COL4A3: variants seen among roughly 807,000 people sequenced by gnomAD.
COL4A3 encodes collagen type IV alpha 3 chain.
In COL4A3, 135 loss-of-function variants were observed where a neutral mutation model predicts 217.4. The observed-to-expected ratio is 0.62, with a 90% CI of 0.54 to 0.72. The LOEUF is 0.72. COL4A3 is among the 30% of genes least tolerant of loss of function. The pLI, the probability that COL4A3 is intolerant of heterozygous loss-of-function variation, is 0.00. For missense variants in COL4A3, 1,868 were observed against 2,119.9 expected, an observed-to-expected ratio of 0.88 and a Z score of 2.33; for synonymous variants, 690 against 736.3, an observed-to-expected ratio of 0.94 and a Z score of 1.02.
intron 1 of COL4A3, among the ~76,000 whole-genome samples, chr2:227,229,515 G>A (rs1173536424): frequency 5.3e-5 from 8 of 152,208 alleles, no homozygotes; most frequent in Admixed American, 4.6e-4. Context: ...GGGACTTCAA[G>A]AGGAAATGTC....
At chr2:227,178,583 A>G (rs2065768910) in intron 1 of COL4A3, among the ~76,000 whole-genome samples, 1 of 152,016 alleles carries the variant, frequency 6.6e-6, no homozygotes, top group Non-Finnish European at 1.5e-5. Flanking sequence ...CCCAGGCTGG[A>G]GTGTAGTGGT....
intron 48 of COL4A3, among the ~76,000 whole-genome samples, 190 bp from the exon 49 acceptor site, chr2:227,308,709 G>A (rs1338695379): frequency 6.6e-6 from 1 of 152,240 alleles, no homozygotes; most frequent in Non-Finnish European, 1.5e-5. Context: ...AAGAAGATTT[G>A]TTTGCCTATT....
intron 1 of COL4A3, among the ~76,000 whole-genome samples, chr2:227,183,489 T>C (rs2065921612): frequency 6.6e-6 from 1 of 152,114 alleles, no homozygotes; most frequent in Admixed American, 6.5e-5. Context: ...ATCAGAGGGC[T>C]CATTGGAATT....
rs1057185913 is a variant in COL4A3 at position 227,283,925 on chromosome 2, A to G, written c.2746+69A>G. 5.7e-6 allele frequency: 8 copies of G among 1,402,426 alleles called. No individual in the cohort carries two copies. The Admixed American group carries it at 1.3e-4, about 24-fold the overall frequency. 86.9% of individuals were successfully genotyped at this position (1,402,426 alleles called of 1,614,324 possible). ...ATGTTCATTTATTTTGCAGCAAAAA[A>G]AGTTATGTTTCATTGGAGGGAAAAA... On this transcript the variant is annotated intron_variant, in intron 33 of 51. Transcript: ENST00000396578.
At position 227,253,302 on chromosome 2, in the gene COL4A3, A is replaced by G. The variant is rs2069899884; in HGVS notation, c.652A>G (p.Met218Val). ...GTTTTGTGTTTTCTTACAGGGTCACATGGGTGAAAGAGTGATAGGACATAA... is the reference window on the plus strand; with the variant it reads ...GTTTTGTGTTTTCTTACAGGGTCACGTGGGTGAAAGAGTGATAGGACATAA... The part of the protein sequence containing the change: ...AMGPRGPKGH[M>V]GERVIGHKGE... The change falls in exon 12 of 52, where the codon ATG (methionine) becomes GTG (valine). Residue 218 changes from methionine to valine, a missense_variant. By Grantham distance (21) the Met-to-Val change is conservative (BLOSUM62 1). Transcript: ENST00000396578. This position sits in a 1 kb window ranked among gnomAD's most constrained non-coding sequence, Gnocchi z 4.4. 1 of 1,613,696 alleles carries G rather than the reference A, an allele frequency of 6.2e-7. No individual in the cohort carries two copies. Among genetic ancestry groups the G allele is most frequent in the Non-Finnish European group, 8.5e-7 (1 of 1,179,588 alleles).
chr2:227,213,879 G>C (rs566194556), intron 1 of COL4A3, among the ~76,000 whole-genome samples: 1 of 138,576 alleles, frequency 7.2e-6, no homozygotes. Flanking sequence ...ACAAGCCCGG[G>C]CGACAGAGCA....
chr2:227,267,522 T>G (rs2070975291), intron 23 of COL4A3, among the ~76,000 whole-genome samples: 1 of 152,234 alleles, frequency 6.6e-6, no homozygotes, highest in South Asian at 2.1e-4. Context: ...TATTTCACTT[T>G]CTTCTTAAGG....
rs1382453187 is a variant in COL4A3, at chr2:227,251,366, C to T, written c.640C>T (p.Pro214Ser). ...TCCAGGAGCCATGGGACCTAGAGGA[C>T]CTAAGGTAGACTACAGTTCATATGA... Reference protein sequence around the residue: ...GFPGAMGPRGPKGHMGERVIG... With the variant: ...GFPGAMGPRGSKGHMGERVIG... The change falls in exon 11 of 52, where the codon CCT becomes TCT. Residue 214 changes from proline (P) to serine (S), a missense_variant. Coordinates refer to ENST00000396578, the MANE Select transcript of COL4A3 (RefSeq NM_000091.5). 6.2e-7 allele frequency: 1 copy of T among 1,612,760 alleles called. No homozygotes were observed. Among genetic ancestry groups the T allele is most frequent in the South Asian group, 1.1e-5 (1 of 90,990 alleles).
In COL4A3 at chr2:227,253,324, A is replaced by G. The variant is rs1269093075; in HGVS notation, c.674A>G (p.His225Arg). Residue 225 changes from histidine (H) to arginine (R), a missense_variant, in exon 12 of 52, where the codon CAT becomes CGT. By Grantham distance (29) the His-to-Arg change is conservative (BLOSUM62 0). This residue lies in a region of COL4A3 where 365 missense variants were observed against 333.8 expected (regional missense o/e 1.09). Transcript: ENST00000396578. The surrounding 1 kb of genome is among the most constrained non-coding windows in gnomAD (Gnocchi z 4.4). The part of the protein sequence containing the change: ...KGHMGERVIG[H>R]KGERGVKGLT... ...CACATGGGTGAAAGAGTGATAGGACATAAAGGAGAGCGGGTAATTTAAATA... is the reference window on the plus strand; with the variant it reads ...CACATGGGTGAAAGAGTGATAGGACGTAAAGGAGAGCGGGTAATTTAAATA... The G allele has an allele frequency of 6.2e-7, 1 of 1,613,782 alleles. No individual in the cohort carries two copies. Among genetic ancestry groups the G allele is most frequent in the Non-Finnish European group, 8.5e-7 (1 of 1,179,770 alleles).
At chr2:227,233,025 T>A (rs2068493250) in intron 1 of COL4A3, among the ~76,000 whole-genome samples, 1 of 152,234 alleles carries the variant, frequency 6.6e-6, no homozygotes, top group South Asian at 2.1e-4. Context: ...TTACTTTTTA[T>A]GTTTTTGAGA....
chr2:227,279,182 G>C (rs1226214522), intron 28 of COL4A3, among the ~76,000 whole-genome samples: 1 of 151,496 alleles, frequency 6.6e-6, no homozygotes, highest in Non-Finnish European at 1.5e-5. Flanking sequence ...GGGTTCAAGC[G>C]ATTCTCCTGC....
chr2:227,226,548 T>C (rs12473407), intron 1 of COL4A3, among the ~76,000 whole-genome samples: 35,154 of 151,812 alleles, frequency 0.23, 4,584 homozygotes, highest in Non-Finnish European at 0.3. Context: ...TTGCTTACTG[T>C]AACCTTCACC....
rs748972446 is a variant in COL4A3, at chr2:227,191,467, T to C, written c.87+26654T>C. 5.9e-5 allele frequency among the ~76,000 whole-genome samples: 9 copies of C among 152,190 alleles called. No individual in the cohort carries two copies. Among genetic ancestry groups the C allele is most frequent in the Non-Finnish European group, 1.3e-4 (9 of 68,030 alleles). On this transcript the variant is annotated intron_variant, in intron 1 of 51. Coordinates refer to ENST00000396578, the MANE Select transcript of COL4A3 (RefSeq NM_000091.5). This position sits in a 1 kb window ranked among gnomAD's most constrained non-coding sequence, Gnocchi z 6.8. ...ACAAAATCACTCTTTACCAGCCACA[T>C]ACAAATGTTGAATGGCTCCATCCAC...
At chr2:227,299,161 C>T (rs1424086918) in intron 43 of COL4A3, among the ~76,000 whole-genome samples, 4 of 152,030 alleles carry the variant, frequency 2.6e-5, no homozygotes, top group Admixed American at 6.5e-5. Flanking sequence ...TTTGGGAGGC[C>T]GAGGCGGGCG....
Position 227,279,674 on chromosome 2 carries a change from T to C in COL4A3, c.2126-119T>C, listed in dbSNP as rs564786874. On this transcript the variant is annotated intron_variant, in intron 28 of 51. Coordinates refer to ENST00000396578, the MANE Select transcript of COL4A3 (RefSeq NM_000091.5). ...AAATTGCTAATTTATCAGTTGGTTTTATTATCATTTAAATTTTCATAAAAG... is the reference window on the plus strand; with the variant it reads ...AAATTGCTAATTTATCAGTTGGTTTCATTATCATTTAAATTTTCATAAAAG... 5.8e-4 allele frequency: 408 copies of C among 700,236 alleles called. 5 individuals carry two copies. The South Asian group carries it at 7.8e-3, about 13-fold the overall frequency. The allele number at this position is 700,236 out of a possible 1,614,324, so 43.4% of individuals were successfully genotyped here. A position where few individuals can be genotyped will look rare whatever the true frequency, so the allele number is the denominator to read the frequency against.
At chr2:227,172,010 C>A (rs6739165) in intron 1 of COL4A3, among the ~76,000 whole-genome samples, 15,024 of 152,202 alleles carry the variant, frequency 0.099, 1,852 homozygotes, top group African/African-American at 0.29. Flanking sequence ...GGAGCATGCG[C>A]AGTGTGTTCA....
intron 37 of COL4A3, among the ~76,000 whole-genome samples, chr2:227,291,359 C>G (rs904791967): frequency 3.3e-5 from 5 of 151,692 alleles, no homozygotes; most frequent in African/African-American, 7.3e-5. Flanking sequence ...GTCAGGAGAT[C>G]GAGACCATCT....
At chr2:227,297,058 G>T (rs1004356430) in intron 41 of COL4A3, among the ~76,000 whole-genome samples, 2 of 152,136 alleles carry the variant, frequency 1.3e-5, no homozygotes, top group Non-Finnish European at 2.9e-5. Context: ...CTTTTTGGAG[G>T]GTCTTTGGTA....
intron 1 of COL4A3, among the ~76,000 whole-genome samples, chr2:227,210,949 C>G (rs28444258): frequency 1.3e-5 from 2 of 151,942 alleles, no homozygotes; most frequent in Non-Finnish European, 2.9e-5. Context: ...TACGTGTGTT[C>G]GTTTTCATCT....
Sources: allele counts gnomAD v4.1 joint callset (sites outside exome capture counted in the v4.1 genomes callset), GRCh38; gene constraint gnomAD v4.1.1; regional missense constraint gnomAD v4.1.1; non-coding constraint Gnocchi (gnomAD v3.1); transcripts MANE v1.5; gene names NCBI Gene and HGNC (gene_info 2026-07-23, HGNC 2026-07-21).